Variants in JAK2 observed in about 807,000 individuals in gnomAD.
The protein encoded by JAK2 is Janus kinase 2.
A neutral mutation model predicts 139.3 loss-of-function variants in JAK2; 86 were observed. The ratio of observed to expected loss-of-function variants is 0.62; its 90% CI spans 0.52 to 0.74. JAK2 has a LOEUF of 0.74. Ranked by LOEUF, JAK2 falls within the 30% of genes least tolerant of loss-of-function variation. The pLI, the probability that JAK2 is intolerant of heterozygous loss-of-function variation, is 0.00. For missense variants in JAK2, 1,421 were observed against 1,360.3 expected (o/e 1.04, Z -0.70); for synonymous variants, 490 against 437.7 (o/e 1.12, Z -1.49).
intron 22 of JAK2, among the ~76,000 whole-genome samples, chr9:5,103,029 A>G (rs1003903676): frequency 2.6e-5 from 4 of 151,990 alleles, no homozygotes; most frequent in Non-Finnish European, 5.9e-5. Flanking sequence ...AACAGGTTCA[A>G]ATTCACACAT....
chr9:4,994,829 G>A (rs921243729), intron 2 of JAK2, among the ~76,000 whole-genome samples: 22 of 152,138 alleles, frequency 1.4e-4, no homozygotes, highest in African/African-American at 4.3e-4. Context: ...CTCTCTGAGA[G>A]TTGTCTGTAT....
intron 6 of JAK2, among the ~76,000 whole-genome samples, chr9:5,053,852 A>C (rs1230668782): frequency 6.6e-6 from 1 of 152,052 alleles, no homozygotes; most frequent in Non-Finnish European, 1.5e-5. Context: ...GCCTTGTCGA[A>C]TGAGTAACTA....
chr9:5,001,407 C>T (rs533415761), intron 2 of JAK2, among the ~76,000 whole-genome samples: 1 of 152,108 alleles, frequency 6.6e-6, no homozygotes, highest in Non-Finnish European at 1.5e-5. Flanking sequence ...TTGGTGTTGA[C>T]TTTTGTCAAA....
intron 22 of JAK2, among the ~76,000 whole-genome samples, chr9:5,105,006 G>C (rs917644744): frequency 6.6e-6 from 1 of 152,192 alleles, no homozygotes; most frequent in Non-Finnish European, 1.5e-5. Context: ...CAAAAGACAA[G>C]GATGCCCTCT....
chr9:5,022,862 A>G (rs1026939956), intron 3 of JAK2, among the ~76,000 whole-genome samples: 1 of 152,210 alleles, frequency 6.6e-6, no homozygotes, highest in African/African-American at 2.4e-5. Context: ...AGTTGACACT[A>G]TTTTGAAGAA....
chr9:5,051,076 A>G (rs567529668), intron 6 of JAK2, among the ~76,000 whole-genome samples: 6 of 152,266 alleles, frequency 3.9e-5, no homozygotes, highest in African/African-American at 1.4e-4. Context: ...TCCTTTGAAC[A>G]TCATGTTGAC....
chr9:5,065,989 T>A (rs1325562717), intron 9 of JAK2, among the ~76,000 whole-genome samples: 2 of 152,198 alleles, frequency 1.3e-5, no homozygotes, highest in Non-Finnish European at 2.9e-5. Flanking sequence ...TTAATATTTT[T>A]AAAACTCCTT....
intron 4 of JAK2, among the ~76,000 whole-genome samples, chr9:5,034,915 A>C (rs955799058): frequency 1.3e-5 from 2 of 152,184 alleles, no homozygotes; most frequent in African/African-American, 4.8e-5. Flanking sequence ...ATAGAGAGAC[A>C]AAAAACCCTT....
intron 22 of JAK2, among the ~76,000 whole-genome samples, chr9:5,103,652 A>G (rs1369414655): frequency 6.6e-6 from 1 of 152,220 alleles, no homozygotes; most frequent in African/African-American, 2.4e-5. Flanking sequence ...TTATTCCAAA[A>G]TAGACCACAT....
Position 5,115,361 on chromosome 9 carries a change from G to A in JAK2, c.3060-7643G>A, listed in dbSNP as rs1019385092. On this transcript the variant is annotated intron_variant, in intron 22 of 24. Coordinates refer to ENST00000381652, the MANE Select transcript of JAK2 (RefSeq NM_004972.4). ...AAATGCAAATCAAAACCAGAGTGAGGTACCATCTCATGCCAGTTAGAATGG... is the reference window on the plus strand; with the variant it reads ...AAATGCAAATCAAAACCAGAGTGAGATACCATCTCATGCCAGTTAGAATGG... 3.3e-5 allele frequency among the ~76,000 whole-genome samples: 5 copies of A among 152,274 alleles called. No individual in the cohort carries two copies. The South Asian group carries it at 8.3e-4, about 25-fold the overall frequency.
chr9:5,072,646 T>C lies in JAK2; in HGVS notation c.1776+20T>C. On this transcript the variant is annotated intron_variant, in intron 13 of 24. Coordinates refer to ENST00000381652, the MANE Select transcript of JAK2 (RefSeq NM_004972.4). The stretch of plus-strand genomic sequence containing the variant: ...TCAGAGGTGTGTATGTTCTTTATAT[T>C]GTTCATGTAGTTTATGCTGTTTAAA... The C allele has an allele frequency of 6.4e-7, 1 of 1,556,830 alleles. No individual in the cohort carries two copies. Among genetic ancestry groups the C allele is most frequent in the Non-Finnish European group, 8.7e-7 (1 of 1,146,224 alleles).
Position 5,089,826 on chromosome 9 carries a change from C to G in JAK2, c.2724C>G (p.Asp908Glu). 2 of 1,588,562 alleles carry G rather than the reference C, an allele frequency of 1.3e-6. No homozygotes were observed. The highest frequency in any genetic ancestry group is 1.7e-6 in the Non-Finnish European group (2 of 1,168,198). The change falls in exon 20 of 25, where the codon GAC becomes GAG. Residue 908 changes from aspartate to glutamate, a missense_variant. Physicochemically the swap from Asp to Glu is conservative, Grantham distance 45. Transcript: ENST00000381652. ...AAATCCTGAAATCCCTACAGCATGA[C>G]AACATTGTAAAGTACAAGGGAGTGT... ...EIEILKSLQHDNIVKYKGVCY... is the reference protein window; with the variant it reads ...EIEILKSLQHENIVKYKGVCY...
At chr9:5,070,207 G>A (rs1361841824) in intron 12 of JAK2, among the ~76,000 whole-genome samples, 155 bp downstream of exon 12, 2 of 148,394 alleles carry the variant, frequency 1.3e-5, no homozygotes, top group Non-Finnish European at 3.0e-5. Context: ...CCAACCTTGT[G>A]TTAGATGTTA....
intron 9 of JAK2, among the ~76,000 whole-genome samples, chr9:5,066,229 C>T (rs1164278019): frequency 1.3e-5 from 2 of 152,052 alleles, no homozygotes; most frequent in African/African-American, 4.8e-5. Flanking sequence ...CATGGTTCTT[C>T]TCTTAGACTT....
At chr9:5,055,573 T>G (rs1019559109) in intron 7 of JAK2, 96 bp from the exon 8 acceptor site, 3 of 984,718 alleles carry the variant, frequency 3.0e-6, no homozygotes, top group South Asian at 3.4e-5. Context: ...TTTTTTATTT[T>G]AAAGAATTTG....
chr9:5,049,460 C>G (rs957043735), intron 5 of JAK2, among the ~76,000 whole-genome samples: 15 of 152,138 alleles, frequency 9.9e-5, no homozygotes, highest in African/African-American at 3.6e-4. Flanking sequence ...TTGTGTCCAT[C>G]ATACATTTCT....
intron 22 of JAK2, chr9:5,091,628 T>C (rs1468632177): frequency 6.6e-6 from 1 of 152,154 alleles, no homozygotes; most frequent in East Asian, 1.9e-4. Flanking sequence ...TAGTAGAGTT[T>C]AGGCCTTTTT....
rs773586896 is a variant in JAK2 at position 5,072,631 on chromosome 9, G to A, written c.1776+5G>A. On this transcript the variant is annotated splice_donor_5th_base_variant and intron_variant, in intron 13 of 24. Transcript: ENST00000381652. ...GCACACAGAAACTATTCAGAGGTGT[G>A]TATGTTCTTTATATTGTTCATGTAG... 10 of 1,584,714 alleles carry A rather than the reference G, an allele frequency of 6.3e-6. No individual in the cohort carries two copies. The highest frequency in any genetic ancestry group is 6.9e-6 in the Non-Finnish European group (8 of 1,163,530).
chr9:5,031,903 A>G (rs1823180516), intron 4 of JAK2, among the ~76,000 whole-genome samples: 1 of 152,192 alleles, frequency 6.6e-6, no homozygotes, highest in African/African-American at 2.4e-5. Flanking sequence ...GGAGTGTAGG[A>G]AAGTGAGTGT....
Sources: allele counts gnomAD v4.1 joint callset (sites outside exome capture counted in the v4.1 genomes callset), GRCh38; gene constraint gnomAD v4.1.1; transcripts MANE v1.5; gene names NCBI Gene and HGNC (gene_info 2026-07-23, HGNC 2026-07-21).